The following ZNF574 variants were observed in gnomAD, a reference collection of about 807,000 sequenced individuals.
ZNF574 encodes zinc finger protein 574.
A neutral mutation model predicts 56.6 loss-of-function variants in ZNF574; 25 were observed. The observed-to-expected ratio is 0.44, with a 90% CI of 0.32 to 0.62. The LOEUF (loss-of-function observed/expected upper bound fraction) is 0.62, where lower values mean the gene tolerates loss of function less well. Among genes scored for constraint, ZNF574 ranks in the 20% least tolerant of loss-of-function variants. The pLI, the probability that ZNF574 is intolerant of heterozygous loss-of-function variation, is 0.04. For synonymous variants in ZNF574, 543 were observed against 492.1 expected, an observed-to-expected ratio of 1.10 and a Z score of -1.37; for missense variants, 1,065 against 1,218.9, an observed-to-expected ratio of 0.87 and a Z score of 1.88.
upstream of ZNF574, among the ~76,000 whole-genome samples, chr19:42,071,439 C>T (rs1038793912): frequency 2.0e-5 from 3 of 152,146 alleles, no homozygotes; most frequent in East Asian, 1.9e-4. Flanking sequence ...CCGCATGCCT[C>T]GAACACACAG....
At chr19:42,068,942 G>A (rs752356294) in exon 1 of ZNF574, 25 of 631,426 alleles carry the variant, frequency 4.0e-5, no homozygotes, top group African/African-American at 1.1e-4. Flanking sequence ...GCAGGGGCAC[G>A]GACATGCCAG....
chr19:42,079,803 C>G lies in ZNF574; in HGVS notation c.1197C>G (p.Thr399=), dbSNP rs777982742. 16 of 1,614,138 alleles carry G rather than the reference C, an allele frequency of 9.9e-6. No homozygotes were observed. The South Asian group carries it at 1.5e-4, about 16-fold the overall frequency. ...TGCATTCATGTCCATGTGGGAAGAC[C>G]TTTGTCAACCTTACCAAGTTCCTTT... ...NPLHSCPCGK[T]FVNLTKFLYH... is the part of the protein sequence containing the mutation. Residue 399 remains threonine (T), a synonymous_variant, in exon 2 of 2, where the codon ACC becomes ACG. Transcript: ENST00000359044. The surrounding 1 kb of genome is among the most constrained non-coding windows in gnomAD (Gnocchi z 4.3).
chr19:42,078,402 G>T (rs1205448640), intron 1 of ZNF574, among the ~76,000 whole-genome samples, 185 bp from the exon 2 acceptor site: 1 of 152,160 alleles, frequency 6.6e-6, no homozygotes, highest in Non-Finnish European at 1.5e-5. Context: ...CTGCCTGGGA[G>T]ATTTGTGTTT....
At chr19:42,073,575 C>T (rs753905591), upstream of ZNF574, among the ~76,000 whole-genome samples, 26 of 150,358 alleles carry the variant, frequency 1.7e-4, no homozygotes, top group Non-Finnish European at 3.2e-4. Flanking sequence ...AATCCCAGCA[C>T]TTTGGGAGGT....
At position 42,081,496 on chromosome 19, in the gene ZNF574, C is replaced by G; in HGVS notation, c.*199C>G. 2 of 677,462 alleles carry G rather than the reference C, an allele frequency of 3.0e-6. No individual in the cohort carries two copies. The highest frequency in any genetic ancestry group is 5.2e-6 in the Non-Finnish European group (2 of 385,526). The allele number at this position is 677,462 out of a possible 1,614,324, so 42.0% of individuals were successfully genotyped here. On this transcript the variant is annotated 3_prime_UTR_variant, in exon 2 of 2. Transcript: ENST00000359044. ...ATAAAGGTGCCCCCCCACCTTCCAC[C>G]TCTTAGCACTGGTGACCCCAAAAAT...
At chr19:42,074,450 G>C (rs1376305761), upstream of ZNF574, among the ~76,000 whole-genome samples, 1 of 147,036 alleles carries the variant, frequency 6.8e-6, no homozygotes, top group Non-Finnish European at 1.5e-5. Flanking sequence ...GAAAGACTCT[G>C]TCTCATAAAT....
chr19:42,073,807 AC>A (rs2076440187), upstream of ZNF574, among the ~76,000 whole-genome samples: 1 of 109,164 alleles, frequency 9.2e-6, no homozygotes, highest in Non-Finnish European at 1.8e-5. Context: ...ACAGAGCTAG[AC>A]TGTCTCAAAA....
chr19:42,074,517 ACTC>A (rs2076444178), upstream of ZNF574, among the ~76,000 whole-genome samples: 1 of 151,806 alleles, frequency 6.6e-6, no homozygotes, highest in Admixed American at 6.6e-5. Context: ...AAAATGAGTA[ACTC>A]CTAGATGTCT....
At position 42,078,824 on chromosome 19, in the gene ZNF574, A is replaced by G; in HGVS notation, c.218A>G (p.Glu73Gly). 1 of 1,614,048 alleles carries G rather than the reference A, an allele frequency of 6.2e-7. No individual in the cohort carries two copies. Among genetic ancestry groups the G allele is most frequent in the Non-Finnish European group, 8.5e-7 (1 of 1,179,958 alleles). ...GGCCTCTATCAGACCCTTGTGCAGG[A>G]GAGCCAGTACCAGTGCCTGGAGTGT... ...GTGLYQTLVQ[E>G]SQYQCLECGQ... Residue 73 changes from glutamate to glycine, a missense_variant, in exon 2 of 2, where the codon GAG becomes GGG. Coordinates refer to ENST00000359044, the MANE Select transcript of ZNF574 (RefSeq NM_022752.6).
At chr19:42,068,653 T>G in exon 1 of ZNF574, 1 of 425,860 alleles carries the variant, frequency 2.3e-6, no homozygotes, top group South Asian at 6.6e-5. Flanking sequence ...GAGGGAGACT[T>G]GGAAAGAGGG....
chr19:42,071,218 G>C (rs12463118), upstream of ZNF574, among the ~76,000 whole-genome samples: 31,361 of 150,788 alleles, frequency 0.21, 4,106 homozygotes, highest in Admixed American at 0.35. Flanking sequence ...CCTCTCAGAA[G>C]GAGCTGAGCA....
chr19:42,080,127 G>C lies in ZNF574; in HGVS notation c.1521G>C (p.Lys507Asn). The change falls in exon 2 of 2, where the codon AAG (lysine) becomes AAC (asparagine). Residue 507 changes from lysine (K) to asparagine (N), a missense_variant. Transcript: ENST00000359044. This position sits in a 1 kb window ranked among gnomAD's most constrained non-coding sequence, Gnocchi z 8.5. The stretch of plus-strand genomic sequence containing the variant: ...TTTGTGGCAAGATGTTCAAGAAGAA[G>C]TCTCACGTGCGTAACCACCTGCGCA... ...CSICGKMFKK[K>N]SHVRNHLRTH... 6.2e-7 allele frequency: 1 copy of C among 1,614,082 alleles called. No individual in the cohort carries two copies. Among genetic ancestry groups the C allele is most frequent in the Non-Finnish European group, 8.5e-7 (1 of 1,180,038 alleles).
At chr19:42,076,387 C>A (rs1240135084) in intron 1 of ZNF574, 101 bp downstream of exon 1, 1 of 151,838 alleles carries the variant, frequency 6.6e-6, no homozygotes, top group Non-Finnish European at 1.5e-5. Flanking sequence ...TGAGGGGGTG[C>A]GCGCCGGGCA....
At chr19:42,071,472 C>G (rs1394726456), upstream of ZNF574, among the ~76,000 whole-genome samples, 1 of 152,168 alleles carries the variant, frequency 6.6e-6, no homozygotes. Context: ...AACTCCTGGA[C>G]CACATGCCAG....
intron 1 of ZNF574, among the ~76,000 whole-genome samples, chr19:42,076,512 G>C (rs1489280496): frequency 1.3e-5 from 2 of 151,964 alleles, no homozygotes; most frequent in Non-Finnish European, 2.9e-5. Context: ...TGAGTGAGGA[G>C]GGGCGGGGCT....
chr19:42,072,073 C>T (rs182958831), upstream of ZNF574, among the ~76,000 whole-genome samples: 631 of 152,004 alleles, frequency 4.2e-3, 6 homozygotes, highest in African/African-American at 0.015. Context: ...GAAATCCCAG[C>T]CAGTCCTGCA....
rs759908906 is a variant in ZNF574 at position 42,078,728 on chromosome 19, A to G, written c.122A>G (p.Gln41Arg). 1.9e-6 allele frequency: 3 copies of G among 1,614,092 alleles called. No homozygotes were observed. In the Admixed American group the frequency reaches 5.0e-5, roughly 27 times the overall value. ...ATGCACCAAAACTCCCACGTGCCCC[A>G]GCAGCACTTTGAGCTGGTGGGCGTG... ...VLMHQNSHVP[Q>R]QHFELVGVAD... The change falls in exon 2 of 2, where the codon CAG (glutamine) becomes CGG (arginine). Residue 41 changes from glutamine to arginine, a missense_variant. Coordinates refer to ENST00000359044, the MANE Select transcript of ZNF574 (RefSeq NM_022752.6).
upstream of ZNF574, chr19:42,076,140 G>C (rs1175134255): frequency 1.3e-5 from 2 of 152,536 alleles, no homozygotes; most frequent in Non-Finnish European, 2.9e-5. Flanking sequence ...AAGGTGGGAG[G>C]GGCGTTGCTG....
At position 42,081,450 on chromosome 19, in the gene ZNF574, G is replaced by A; in HGVS notation, c.*153G>A. The A allele has an allele frequency of 1.9e-6, 2 of 1,040,410 alleles. No homozygotes were observed. The highest frequency in any genetic ancestry group is 2.9e-6 in the Non-Finnish European group (2 of 691,446). The allele number at this position is 1,040,410 out of a possible 1,614,324, so 64.4% of individuals were successfully genotyped here. ...GGATTTATTCTCTCGTGAGGGGGGT[G>A]CTCTGGGGTCCTTGACACACATAAA... On this transcript the variant is annotated 3_prime_UTR_variant, in exon 2 of 2. Transcript: ENST00000359044.
Sources: gnomAD v4.1 joint callset for allele counts (sites outside exome capture counted in the v4.1 genomes callset) on GRCh38, gnomAD v4.1.1 for gene constraint, Gnocchi (gnomAD v3.1) non-coding constraint, MANE v1.5 for transcripts, NCBI Gene and HGNC (gene_info 2026-07-23, HGNC 2026-07-21) for gene names.